TPRG1: variants seen among roughly 807,000 people sequenced by gnomAD.
The protein encoded by TPRG1 is tumor protein p63 regulated 1.
TPRG1 carries 29 observed loss-of-function variants against 29.3 expected under a neutral mutation model. The ratio of observed to expected loss-of-function variants is 0.99; its 90% CI spans 0.74 to 1.35. The LOEUF (loss-of-function observed/expected upper bound fraction) is 1.35. TPRG1 is among the 40% of genes most tolerant of loss of function. TPRG1 has a pLI of 0.00. For missense variants in TPRG1, 327 were observed against 335.0 expected, an observed-to-expected ratio of 0.98 and a Z score of 0.19; for synonymous variants, 130 against 116.8, an observed-to-expected ratio of 1.11 and a Z score of -0.73.
At chr3:189,300,636 G>A (rs780524959) in intron 4 of TPRG1, among the ~76,000 whole-genome samples, 1 of 152,158 alleles carries the variant, frequency 6.6e-6, no homozygotes, top group Non-Finnish European at 1.5e-5. Flanking sequence ...CTGTTTGTAG[G>A]AAGAAGAACC....
chr3:189,241,327 C>A (rs1373166149), intron 4 of TPRG1, among the ~76,000 whole-genome samples: 1 of 152,148 alleles, frequency 6.6e-6, no homozygotes, highest in East Asian at 1.9e-4. Flanking sequence ...GTTCAAATTG[C>A]ATCACTAGAA....
intron 5 of TPRG1, among the ~76,000 whole-genome samples, chr3:189,156,102 A>T (rs2108614524): frequency 6.6e-6 from 1 of 152,308 alleles, no homozygotes; most frequent in African/African-American, 2.4e-5. Flanking sequence ...CCTTAAATAT[A>T]TACAATATTT....
intron 4 of TPRG1, among the ~76,000 whole-genome samples, chr3:189,036,013 A>G (rs1039375608): frequency 1.2e-4 from 18 of 152,180 alleles, no homozygotes; most frequent in African/African-American, 4.1e-4. Context: ...AAGACATGGA[A>G]TCAATCTAGA....
At chr3:189,250,774 A>G (rs1389722976) in intron 4 of TPRG1, among the ~76,000 whole-genome samples, 1 of 146,654 alleles carries the variant, frequency 6.8e-6, no homozygotes, top group East Asian at 2.0e-4. Flanking sequence ...AAAAGCAATG[A>G]TTTAATCTTA....
chr3:189,227,463 T>G (rs893903131), intron 3 of TPRG1, among the ~76,000 whole-genome samples: 1 of 152,208 alleles, frequency 6.6e-6, no homozygotes, highest in Non-Finnish European at 1.5e-5. Flanking sequence ...TGAACTGAAT[T>G]TTTCTTCTCT....
intron 3 of TPRG1, among the ~76,000 whole-genome samples, chr3:189,227,579 T>G (rs1737952123): frequency 6.6e-6 from 1 of 152,206 alleles, no homozygotes; most frequent in African/African-American, 2.4e-5. Flanking sequence ...AGCTTCTTTA[T>G]CTGCTGTTTT....
At chr3:189,206,337 T>A (rs1308107543) in intron 1 of TPRG1, among the ~76,000 whole-genome samples, 1 of 152,002 alleles carries the variant, frequency 6.6e-6, no homozygotes, top group Non-Finnish European at 1.5e-5. Flanking sequence ...AACTTCTTAC[T>A]GATGGATACT....
At chr3:189,247,471 C>A (rs1237561394) in intron 4 of TPRG1, among the ~76,000 whole-genome samples, 2 of 151,636 alleles carry the variant, frequency 1.3e-5, no homozygotes, top group Non-Finnish European at 2.9e-5. Context: ...TTGACTGTCC[C>A]TTTTCTTGAG....
intron 1 of TPRG1, among the ~76,000 whole-genome samples, chr3:189,201,944 C>T (rs67702780): frequency 0.28 from 42,361 of 152,030 alleles, 7,507 homozygotes; most frequent in African/African-American, 0.51. Flanking sequence ...AGCCACTGCT[C>T]GCAGCCTCAA....
At chr3:189,025,899 C>G (rs1713634871) in intron 4 of TPRG1, among the ~76,000 whole-genome samples, 1 of 152,160 alleles carries the variant, frequency 6.6e-6, no homozygotes, top group African/African-American at 2.4e-5. Context: ...TTTAAACATT[C>G]AGAGATACAG....
intron 4 of TPRG1, among the ~76,000 whole-genome samples, chr3:189,046,056 TC>T (rs1376111346): frequency 1.3e-5 from 2 of 152,192 alleles, no homozygotes; most frequent in Non-Finnish European, 2.9e-5. Context: ...AAGCTGTTGC[TC>T]CTGGAAATGA....
At chr3:189,047,388 T>A (rs534860592) in intron 4 of TPRG1, among the ~76,000 whole-genome samples, 4 of 152,332 alleles carry the variant, frequency 2.6e-5, no homozygotes, top group African/African-American at 9.6e-5. Flanking sequence ...ACTTTATTGC[T>A]AAGAAAATGG....
intron 3 of TPRG1, among the ~76,000 whole-genome samples, chr3:189,217,175 A>C (rs1736196249): frequency 6.6e-6 from 1 of 152,220 alleles, no homozygotes; most frequent in African/African-American, 2.4e-5. Flanking sequence ...ACTATATTGA[A>C]GCTTAGCACT....
intron 3 of TPRG1, among the ~76,000 whole-genome samples, chr3:189,146,124 C>T (rs2108584502): frequency 6.6e-6 from 1 of 152,284 alleles, no homozygotes; most frequent in East Asian, 1.9e-4. Flanking sequence ...GCTTGTGGAA[C>T]AGGAGACCCT....
intron 4 of TPRG1, among the ~76,000 whole-genome samples, chr3:189,057,099 G>A (rs1365019190): frequency 2.0e-5 from 3 of 152,148 alleles, no homozygotes; most frequent in African/African-American, 4.8e-5. Context: ...GCTCTCTAGG[G>A]CCCGTTAGGA....
At chr3:189,108,152 G>A (rs762285087) in intron 1 of TPRG1, among the ~76,000 whole-genome samples, 7 of 152,064 alleles carry the variant, frequency 4.6e-5, no homozygotes, top group East Asian at 1.9e-4. Flanking sequence ...AGCAAATATG[G>A]GGCTTTATTT....
intron 3 of TPRG1, among the ~76,000 whole-genome samples, chr3:189,144,014 C>T (rs1724921885): frequency 6.6e-6 from 1 of 152,208 alleles, no homozygotes; most frequent in African/African-American, 2.4e-5. Flanking sequence ...GAACTCTTCC[C>T]ACAGTCTAAT....
chr3:189,013,760 C>A (rs142793303), intron 3 of TPRG1, among the ~76,000 whole-genome samples: 3 of 152,010 alleles, frequency 2.0e-5, no homozygotes, highest in East Asian at 3.9e-4. Flanking sequence ...ATATATGAAC[C>A]CTCTACCCTT....
chr3:189,042,700 C>T (rs1714708054), intron 4 of TPRG1, among the ~76,000 whole-genome samples: 1 of 151,890 alleles, frequency 6.6e-6, no homozygotes, highest in South Asian at 2.1e-4. Context: ...AAAATGAACT[C>T]AATCATGCTT....
Sources: allele counts gnomAD v4.1 joint callset (sites outside exome capture counted in the v4.1 genomes callset), GRCh38; gene constraint gnomAD v4.1.1; transcripts MANE v1.5; gene names NCBI Gene and HGNC (gene_info 2026-07-23, HGNC 2026-07-21).